Variants in EVI5 observed in about 807,000 individuals in gnomAD.
The protein encoded by EVI5 is ecotropic viral integration site 5 protein homolog.
A neutral mutation model predicts 112.0 loss-of-function variants in EVI5; 73 were observed. The observed-to-expected ratio is 0.65, with a 90% CI of 0.54 to 0.79. The LOEUF (loss-of-function observed/expected upper bound fraction) is 0.79, where lower values mean the gene tolerates loss of function less well. EVI5 is among the 30% of genes least tolerant of loss of function. The pLI is 0.00. For missense variants in EVI5, 900 were observed against 968.8 expected (o/e 0.93, Z 0.94); for synonymous variants, 305 against 319.9 (o/e 0.95, Z 0.50).
chr1:92,525,702 C>A (rs1198512442), intron 19 of EVI5, among the ~76,000 whole-genome samples: 4 of 152,082 alleles, frequency 2.6e-5, no homozygotes, highest in Non-Finnish European at 1.5e-5. Flanking sequence ...GATTAGGTAC[C>A]ACTGCCAACA....
rs201740697 is a variant in EVI5 at position 92,509,179 on chromosome 1, C to T, written c.*4477G>A. 8 of 152,374 alleles carry T rather than the reference C, an allele frequency of 5.3e-5. No individual in the cohort carries two copies. Among genetic ancestry groups the T allele is most frequent in the Non-Finnish European group, 1.2e-4 (8 of 68,024 alleles). 9.4% of individuals were successfully genotyped at this position (152,374 alleles called of 1,614,324 possible). Reference sequence around the variant, plus strand: ...TACTTTAAACCTGAATATTACAGTACATTATATAAAAGATAAATGAGAATA... The same window carrying T: ...TACTTTAAACCTGAATATTACAGTATATTATATAAAAGATAAATGAGAATA... On this transcript the variant is annotated 3_prime_UTR_variant, in exon 20 of 20. Coordinates refer to ENST00000684568, the MANE Select transcript of EVI5 (RefSeq NM_001350197.2).
chr1:92,769,582 T>TC (rs1683095765), intron 1 of EVI5, among the ~76,000 whole-genome samples: 1 of 152,064 alleles, frequency 6.6e-6, no homozygotes, highest in African/African-American at 2.4e-5. Context: ...GCAGCTATGA[T>TC]TAAGTTAAAG....
chr1:92,603,454 C>T (rs1300562840), intron 18 of EVI5, among the ~76,000 whole-genome samples: 1 of 151,978 alleles, frequency 6.6e-6, no homozygotes, highest in African/African-American at 2.4e-5. Flanking sequence ...AAATGTCCAT[C>T]AATGAATGAA....
At position 92,736,563 on chromosome 1, in the gene EVI5, G is replaced by A. The variant is rs1256957085; in HGVS notation, c.-17C>T. ...ACTGGCCATCTGACTGACTGTATGC[G>A]ATACTGTGTTCTTCACCCATGAGAG... On this transcript the variant is annotated 5_prime_UTR_variant, in exon 2 of 20. Coordinates refer to ENST00000684568, the MANE Select transcript of EVI5 (RefSeq NM_001350197.2). The A allele has an allele frequency of 8.1e-6, 13 of 1,613,856 alleles. No individual in the cohort carries two copies. Among genetic ancestry groups the A allele is most frequent in the East Asian group, 2.2e-5 (1 of 44,892 alleles).
At chr1:92,580,050 T>C (rs1671698204) in intron 18 of EVI5, among the ~76,000 whole-genome samples, 1 of 152,258 alleles carries the variant, frequency 6.6e-6, no homozygotes, top group African/African-American at 2.4e-5. Flanking sequence ...AATGACAATG[T>C]ATTTTTGTTG....
chr1:92,661,502 T>C (rs945848746), intron 13 of EVI5, among the ~76,000 whole-genome samples: 1 of 152,184 alleles, frequency 6.6e-6, no homozygotes, highest in African/African-American at 2.4e-5. Flanking sequence ...TTATTGTGTT[T>C]TCTTTAGAAA....
At chr1:92,565,631 A>G (rs1669315137) in intron 18 of EVI5, among the ~76,000 whole-genome samples, 2 of 152,076 alleles carry the variant, frequency 1.3e-5, no homozygotes, top group South Asian at 4.1e-4. Context: ...TTCATCCTAC[A>G]TACTGTATAC....
rs559841904 is a variant in EVI5 at position 92,791,239 on chromosome 1, T to C, written c.51+1105A>G. On this transcript the variant is annotated intron_variant, in intron 1 of 17. Transcript: ENST00000370331. ...GTGGAACTAGAGGTAGTAACTCCAC[T>C]TAAACTATCCAATTATCTAGGAACT... is the stretch of plus-strand genomic sequence containing the variant. Among the ~76,000 whole-genome samples the C allele has an allele frequency of 3.3e-5, 5 of 152,338 alleles. No individual in the cohort carries two copies. The East Asian group carries it at 9.6e-4, about 29-fold the overall frequency.
Position 92,512,527 on chromosome 1 carries a change from A to C in EVI5, c.*1129T>G, listed in dbSNP as rs1201012747. The C allele has an allele frequency of 6.6e-6, 1 of 152,236 alleles. No homozygotes were observed. Among genetic ancestry groups the C allele is most frequent in the East Asian group, 1.9e-4 (1 of 5,204 alleles). 9.4% of individuals were successfully genotyped at this position (152,236 alleles called of 1,614,324 possible). On this transcript the variant is annotated 3_prime_UTR_variant, in exon 20 of 20. Transcript: ENST00000684568. ...ACCTATTATTTACAGAAGTCCTGTT[A>C]GATGCTGAAAGCAGTCATTTTGCAA... is the stretch of plus-strand genomic sequence containing the variant.
chr1:92,702,213 A>C lies in EVI5; in HGVS notation c.567T>G (p.Ala189=). ...GQEVLFNVMK[A]YSLVDREVGY... ...CAACCTCACGATCTACTAAAGAGTA[A>C]GCCTAAAAAGTAAAAAAAAGTTGTT... is the stretch of plus-strand genomic sequence containing the variant. Residue 189 remains alanine, a splice_region_variant and synonymous_variant, in exon 5 of 20, where the codon GCT becomes GCG. Coordinates refer to ENST00000684568, the MANE Select transcript of EVI5 (RefSeq NM_001350197.2). 6.6e-7 allele frequency: 1 copy of C among 1,512,592 alleles called. No homozygotes were observed. Among genetic ancestry groups the C allele is most frequent in the Non-Finnish European group, 8.8e-7 (1 of 1,132,538 alleles). 93.7% of individuals were successfully genotyped at this position (1,512,592 alleles called of 1,614,324 possible). A position where few individuals can be genotyped will look rare whatever the true frequency, so the allele number is the denominator to read the frequency against.
intron 1 of EVI5, among the ~76,000 whole-genome samples, chr1:92,743,011 A>T: frequency 6.6e-6 from 1 of 152,220 alleles, no homozygotes; most frequent in East Asian, 1.9e-4. Flanking sequence ...GGATTAATGG[A>T]TAAACAAAAT....
intron 10 of EVI5, among the ~76,000 whole-genome samples, chr1:92,669,796 CTGAT>C (rs1191711044): frequency 2.0e-5 from 3 of 151,882 alleles, no homozygotes; most frequent in African/African-American, 7.3e-5. Context: ...AATCTACCAC[CTGAT>C]TGATTCTCAA....
chr1:92,615,806 G>C (rs1427208065), intron 16 of EVI5, among the ~76,000 whole-genome samples: 1 of 152,174 alleles, frequency 6.6e-6, no homozygotes, highest in South Asian at 2.1e-4. Context: ...TGGGACCCTA[G>C]AGGGTGAGGT....
At chr1:92,709,751 G>A (rs1400827318) in intron 2 of EVI5, among the ~76,000 whole-genome samples, 3 of 152,062 alleles carry the variant, frequency 2.0e-5, no homozygotes, top group South Asian at 4.1e-4. Context: ...AATAATTTAC[G>A]TGTTCAAGAA....
chr1:92,546,415 T>G (rs1027185127), intron 19 of EVI5, among the ~76,000 whole-genome samples: 1 of 151,800 alleles, frequency 6.6e-6, no homozygotes, highest in African/African-American at 2.4e-5. Flanking sequence ...TGAAAAAAAA[T>G]AGGCTGGGCG....
chr1:92,763,736 T>C (rs1215868087), intron 1 of EVI5, among the ~76,000 whole-genome samples: 1 of 152,184 alleles, frequency 6.6e-6, no homozygotes, highest in Non-Finnish European at 1.5e-5. Context: ...AGTTTGAGGC[T>C]GTAGTGAGCT....
At chr1:92,630,995 T>C (rs1656929250) in intron 14 of EVI5, among the ~76,000 whole-genome samples, 1 of 152,234 alleles carries the variant, frequency 6.6e-6, no homozygotes, top group African/African-American at 2.4e-5. Flanking sequence ...GTGGGATTAT[T>C]TCTGAGGGCT....
chr1:92,518,112 G>A lies in EVI5; in HGVS notation c.2167-4142C>T, dbSNP rs570279291. Among the ~76,000 whole-genome samples the A allele has an allele frequency of 5.7e-4, 86 of 152,006 alleles. 1 individual carries two copies. In the South Asian group the frequency reaches 0.017, roughly 31 times the overall value. On this transcript the variant is annotated intron_variant, in intron 19 of 19. Coordinates refer to ENST00000684568, the MANE Select transcript of EVI5 (RefSeq NM_001350197.2). ...GGGGTTTCGCCATTGTTGCCCAGCT[G>A]GTCTTGAACTCCTGAGCTCAAGCCA...
intron 14 of EVI5, among the ~76,000 whole-genome samples, chr1:92,626,440 T>G (rs1655681874): frequency 6.6e-6 from 1 of 152,176 alleles, no homozygotes; most frequent in Non-Finnish European, 1.5e-5. Context: ...TAATAGAAAT[T>G]TGGGTTGTTT....
Sources: gnomAD v4.1 joint callset for allele counts (sites outside exome capture counted in the v4.1 genomes callset) on GRCh38, gnomAD v4.1.1 for gene constraint, MANE v1.5 for transcripts, NCBI Gene and HGNC (gene_info 2026-07-23, HGNC 2026-07-21) for gene names.